The following RGS11 variants were observed in gnomAD, a reference collection of about 807,000 sequenced individuals.
RGS11 encodes the protein regulator of G-protein signaling 11.
In RGS11, 86 loss-of-function variants were observed where a neutral mutation model predicts 71.1. That is an observed-to-expected ratio of 1.21 (90% CI 1.02 to 1.45). The LOEUF is 1.45. Ranked by LOEUF, RGS11 falls within the 40% of genes most tolerant of loss-of-function variation. The pLI, the probability that RGS11 is intolerant of heterozygous loss-of-function variation, is 0.00. For missense variants in RGS11, 734 were observed against 635.1 expected (o/e 1.16, Z -1.67); for synonymous variants, 298 against 254.2 (o/e 1.17, Z -1.64).
At position 269,199 on chromosome 16, in the gene RGS11, C is replaced by CG. The variant is rs1370661282; in HGVS notation, c.*69dup. On this transcript the variant is annotated 3_prime_UTR_variant, in exon 17 of 17. Transcript: ENST00000397770. Reference sequence around the variant, plus strand: ...GCAGCCCCCAGGACCTGGGCCAAGACGGGGGTGGCTGCTGCATTCACGCAG... The same window carrying CG: ...GCAGCCCCCAGGACCTGGGCCAAGACGGGGGGTGGCTGCTGCATTCACGCAG... 2.5e-5 allele frequency: 30 copies of CG among 1,205,956 alleles called. No individual in the cohort carries two copies. The highest frequency in any genetic ancestry group is 3.4e-5 in the Non-Finnish European group (28 of 834,554). The allele number at this position is 1,205,956 out of a possible 1,614,324, so 74.7% of individuals were successfully genotyped here. A position where few individuals can be genotyped will look rare whatever the true frequency, so the allele number is the denominator to read the frequency against.
At position 270,933 on chromosome 16, in the gene RGS11, C is replaced by T. The variant is rs781006311; in HGVS notation, c.979+51G>A. On this transcript the variant is annotated intron_variant, in intron 13 of 16. Transcript: ENST00000397770. The stretch of plus-strand genomic sequence containing the variant: ...GTGGAAACCGAGGCGGGAGGGGTCC[C>T]AGGCAGCAGCCTCCCCGCTGGGACT... The T allele has an allele frequency of 7.0e-6, 11 of 1,568,388 alleles. No individual in the cohort carries two copies. In the African/African-American group the frequency reaches 1.2e-4, roughly 17 times the overall value.
intron 3 of RGS11, 89 bp from the exon 4 acceptor site, chr16:275,171 C>A: frequency 6.3e-7 from 1 of 1,585,388 alleles, no homozygotes; most frequent in South Asian, 1.1e-5. Context: ...GTGCTCCCCA[C>A]CCTTGCACAG....
At position 268,823 on chromosome 16, in the gene RGS11, G is replaced by C; in HGVS notation, c.*446C>G. 1.9e-6 allele frequency: 3 copies of C among 1,550,382 alleles called. No individual in the cohort carries two copies. The highest frequency in any genetic ancestry group is 2.6e-6 in the Non-Finnish European group (3 of 1,146,960). On this transcript the variant is annotated 3_prime_UTR_variant, in exon 17 of 17. Coordinates refer to ENST00000397770, the MANE Select transcript of RGS11 (RefSeq NM_183337.3). Reference sequence around the variant, plus strand: ...GAGGCTCTTGGACGGGGCAGAGCTCGCGCCGAGACCTGCATGTCCGCGTCT... The same window carrying C: ...GAGGCTCTTGGACGGGGCAGAGCTCCCGCCGAGACCTGCATGTCCGCGTCT...
Position 275,312 on chromosome 16 carries a change from A to C in RGS11, c.182T>G (p.Leu61Trp), listed in dbSNP as rs374287230. 30 of 1,612,362 alleles carry C rather than the reference A, an allele frequency of 1.9e-5. No individual in the cohort carries two copies. Among genetic ancestry groups the C allele is most frequent in the Non-Finnish European group, 2.5e-5 (29 of 1,179,836 alleles). Residue 61 changes from leucine to tryptophan, a missense_variant, in exon 3 of 17, where the codon TTG becomes TGG. By Grantham distance (61) the Leu-to-Trp change is moderately conservative. Transcript: ENST00000397770. ...AVTGSDVVQW[L>W]AQKFCVSEEE... ...CTCCGAGACGCAGAACTTCTGGGCC[A>C]ACCACTGCACGACGTCGCTGCCTGC...
chr16:275,391 G>C lies in RGS11; in HGVS notation c.160+11C>G. 1.2e-6 allele frequency: 2 copies of C among 1,607,978 alleles called. No individual in the cohort carries two copies. The highest frequency in any genetic ancestry group is 4.5e-5 in the East Asian group (2 of 44,774). ...GAGGCGCGCACGCACCCCCGCCCCG[G>C]CGCGCCTCACCTGTCACCGCGTGGG... On this transcript the variant is annotated intron_variant, in intron 2 of 16. Coordinates refer to ENST00000397770, the MANE Select transcript of RGS11 (RefSeq NM_183337.3).
At position 269,350 on chromosome 16, in the gene RGS11, C is replaced by A; in HGVS notation, c.1323G>T (p.Ser441=). The change falls in exon 17 of 17, where the codon TCG becomes TCT. Residue 441 remains serine (S), a synonymous_variant. Coordinates refer to ENST00000397770, the MANE Select transcript of RGS11 (RefSeq NM_183337.3). Reference sequence around the variant, plus strand: ...TGGGAAGGAGTGCAGGGCTGGGGCTCGAGTGCCGTGGCCTCCACGTAAACG... The same window carrying A: ...TGGGAAGGAGTGCAGGGCTGGGGCTAGAGTGCCGTGGCCTCCACGTAAACG... ...VFPFTWRPRH[S]SPSPALLPTP... 1 of 1,603,500 alleles carries A rather than the reference C, an allele frequency of 6.2e-7. No homozygotes were observed. Among genetic ancestry groups the A allele is most frequent in the Non-Finnish European group, 8.5e-7 (1 of 1,175,894 alleles).
chr16:274,425 C>A lies in RGS11; in HGVS notation c.319-160G>T, dbSNP rs564344444. 3 of 691,496 alleles carry A rather than the reference C, an allele frequency of 4.3e-6. No homozygotes were observed. The South Asian group carries it at 5.5e-5, about 13-fold the overall frequency. The allele number at this position is 691,496 out of a possible 1,614,324, so 42.8% of individuals were successfully genotyped here. On this transcript the variant is annotated intron_variant, in intron 4 of 16. Transcript: ENST00000397770. ...ACCGAGAGACTCCACTGACCACTGGCCAGTCTCTCCAACTAGAACTGAGGT... is the reference window on the plus strand; with the variant it reads ...ACCGAGAGACTCCACTGACCACTGGACAGTCTCTCCAACTAGAACTGAGGT...
Position 274,063 on chromosome 16 carries a change from TC to T in RGS11, c.408del (p.Thr137ProfsTer25). ...CCCACCTTCTCATAATCCACCAGGGTCCCCCGTTTTCGGATGTTCTTCTTGG... is the reference window on the plus strand; with the variant it reads ...CCCACCTTCTCATAATCCACCAGGGTCCCCGTTTTCGGATGTTCTTCTTGG... ...YLAKKNIRKRGTLVDYEKDCY... is the reference protein window; with the variant it reads ...YLAKKNIRKRXTLVDYEKDCY... On this transcript the variant is annotated frameshift_variant, in exon 6 of 17. Coordinates refer to ENST00000397770, the MANE Select transcript of RGS11 (RefSeq NM_183337.3). LOFTEE classifies it high-confidence loss of function. The T allele has an allele frequency of 6.4e-7, 1 of 1,550,648 alleles. No homozygotes were observed. Among genetic ancestry groups the T allele is most frequent in the Non-Finnish European group, 8.7e-7 (1 of 1,147,050 alleles).
chr16:275,635 G>T, intron 1 of RGS11, 137 bp from the exon 2 acceptor site: 2 of 800,148 alleles, frequency 2.5e-6, no homozygotes, highest in South Asian at 1.9e-5. Context: ...AGCTGGCGGC[G>T]GGGACGCGGG....
At chr16:272,333 GA>G (rs2051975983) in intron 9 of RGS11, 1 of 1,289,002 alleles carries the variant, frequency 7.8e-7, no homozygotes, top group Admixed American at 2.3e-5. Context: ...TTTGTATGGG[GA>G]AATGTTAGGG....
chr16:275,824 G>A (rs2052157116), intron 1 of RGS11, 25 bp downstream of exon 1: 3 of 1,038,768 alleles, frequency 2.9e-6, no homozygotes, highest in African/African-American at 1.7e-5. Flanking sequence ...ATCGGGGGAC[G>A]GCGGGACACC....
rs2052162043 is a variant in RGS11, at chr16:275,904, G to C, written c.8C>G (p.Ala3Gly). The C allele has an allele frequency of 3.6e-6, 3 of 840,878 alleles. No homozygotes were observed. In the South Asian group the frequency reaches 1.6e-4, roughly 45 times the overall value. 52.1% of individuals were successfully genotyped at this position (840,878 alleles called of 1,614,324 possible). MA[A>G]GPAPPPGRPR... ...GCGGCCGGGGGGCGGCGCGGGGCCG[G>C]CGGCCATGGCTGCGGGGCGAGGCCG... The change falls in exon 1 of 17, where the codon GCC becomes GGC. Residue 3 changes from alanine (A) to glycine (G), a missense_variant. Coordinates refer to ENST00000397770, the MANE Select transcript of RGS11 (RefSeq NM_183337.3).
chr16:271,256 G>C lies in RGS11; in HGVS notation c.809C>G (p.Pro270Arg). The C allele has an allele frequency of 6.2e-7, 1 of 1,612,964 alleles. No individual in the cohort carries two copies. Among genetic ancestry groups the C allele is most frequent in the Non-Finnish European group, 8.5e-7 (1 of 1,179,992 alleles). ...ATTGTCTGAGATCCAGGGATTGCTG[G>C]GCAGGCACCCCGACACGAGGGGATC... ...PHDPLVSGCL[P>R]SNPWISDNDA... Residue 270 changes from proline (P) to arginine (R), a missense_variant, in exon 12 of 17, where the codon CCC becomes CGC. Coordinates refer to ENST00000397770, the MANE Select transcript of RGS11 (RefSeq NM_183337.3).
intron 9 of RGS11, chr16:272,165 A>G: frequency 8.7e-7 from 1 of 1,149,380 alleles, no homozygotes; most frequent in Non-Finnish European, 1.1e-6. Context: ...ATGTACTTAA[A>G]TTATGTTTTT....
chr16:272,828 G>T (rs769356337), intron 9 of RGS11, 35 bp downstream of exon 9: 1 of 1,539,290 alleles, frequency 6.5e-7, no homozygotes, highest in South Asian at 1.2e-5. Context: ...GGTGTGCAGG[G>T]TGAGAGGGCG....
intron 6 of RGS11, 91 bp downstream of exon 6, chr16:273,951 TG>T: frequency 7.1e-7 from 1 of 1,414,370 alleles, no homozygotes; most frequent in Non-Finnish European, 9.7e-7. Context: ...CTGTATGTTC[TG>T]GGGTAAACCG....
At chr16:274,123 G>A (rs957712135) in intron 5 of RGS11, 22 bp from the exon 6 acceptor site, 4 of 1,559,064 alleles carry the variant, frequency 2.6e-6, no homozygotes, top group Non-Finnish European at 2.6e-6. Flanking sequence ...GGGACAGCCT[G>A]CAGAGGGGCC....
rs756596148 is a variant in RGS11, at chr16:271,147, G to A, written c.864-48C>T. On this transcript the variant is annotated intron_variant, in intron 12 of 16. Coordinates refer to ENST00000397770, the MANE Select transcript of RGS11 (RefSeq NM_183337.3). The stretch of plus-strand genomic sequence containing the variant: ...GGGGAGGGTGGGGACTGACCCTCCT[G>A]CGTCCCCCCAGGCTGGGAGCACACC... 3.1e-6 allele frequency: 5 copies of A among 1,599,432 alleles called. No individual in the cohort carries two copies. In the Admixed American group the frequency reaches 8.4e-5, roughly 27 times the overall value.
At position 274,035 on chromosome 16, in the gene RGS11, G is replaced by A; in HGVS notation, c.429+8C>T. Reference sequence around the variant, plus strand: ...CCCAGCCGGGGCGGGAAGGGTGGGGGGTCCCACCTTCTCATAATCCACCAG... The same window carrying A: ...CCCAGCCGGGGCGGGAAGGGTGGGGAGTCCCACCTTCTCATAATCCACCAG... On this transcript the variant is annotated splice_region_variant and intron_variant, in intron 6 of 16. Coordinates refer to ENST00000397770, the MANE Select transcript of RGS11 (RefSeq NM_183337.3). 6.5e-7 allele frequency: 1 copy of A among 1,548,400 alleles called. No homozygotes were observed.
Sources: gnomAD v4.1 joint callset for allele counts on GRCh38, gnomAD v4.1.1 for gene constraint, MANE v1.5 for transcripts, NCBI Gene and HGNC (gene_info 2026-07-23, HGNC 2026-07-21) for gene names.